The following TACC1 variants were observed in gnomAD, a reference collection of about 807,000 sequenced individuals.
The protein encoded by TACC1 is transforming acidic coiled-coil-containing protein 1.
TACC1 carries 48 observed loss-of-function variants against 84.4 expected under a neutral mutation model. The ratio of observed to expected loss-of-function variants is 0.57; its 90% CI spans 0.45 to 0.72. The LOEUF is 0.72. Ranked by LOEUF, TACC1 falls within the 30% of genes least tolerant of loss-of-function variation. The probability of loss-of-function intolerance (pLI) is 0.00; values close to 1 mark genes in which losing one functional copy is unlikely to be tolerated. For synonymous variants in TACC1, 372 were observed against 376.3 expected, an observed-to-expected ratio of 0.99 and a Z score of 0.13; for missense variants, 920 against 973.0, an observed-to-expected ratio of 0.95 and a Z score of 0.72.
At chr8:38,808,496 T>TC (rs1229577625) in intron 2 of TACC1, among the ~76,000 whole-genome samples, 1 of 152,232 alleles carries the variant, frequency 6.6e-6, no homozygotes, top group Admixed American at 6.5e-5. Context: ...TACCGCAGCC[T>TC]CCAACTTCTG....
intron 3 of TACC1, among the ~76,000 whole-genome samples, chr8:38,765,409 C>T (rs2151843137): frequency 6.6e-6 from 1 of 152,246 alleles, no homozygotes; most frequent in African/African-American, 2.4e-5. Context: ...GAGTCTCATC[C>T]AGAAGTCAGA....
At chr8:38,730,933 T>G (rs979820365) in intron 1 of TACC1, among the ~76,000 whole-genome samples, 1 of 152,140 alleles carries the variant, frequency 6.6e-6, no homozygotes, top group Non-Finnish European at 1.5e-5. Flanking sequence ...GTTTGTTTTA[T>G]TTTTTAGATA....
chr8:38,801,412 TA>T (rs1821325909), intron 2 of TACC1, among the ~76,000 whole-genome samples: 2 of 152,232 alleles, frequency 1.3e-5, no homozygotes, highest in African/African-American at 4.8e-5. Flanking sequence ...GGGAGTAGTC[TA>T]GCTTCATTCT....
At position 38,851,510 on chromosome 8, in the gene TACC1, C is replaced by G. The variant is rs1588201812; in HGVS notation, c.*3487C>G. On this transcript the variant is annotated 3_prime_UTR_variant, in exon 13 of 13. Coordinates refer to ENST00000317827, the MANE Select transcript of TACC1 (RefSeq NM_006283.3). ...TTTTAAGAGCAAGCATTGGTTAAGT[C>G]TGTGTATACTGAGTTGGAAGTGATT... 6.1e-6 allele frequency: 1 copy of G among 164,332 alleles called. No homozygotes were observed. The highest frequency in any genetic ancestry group is 1.7e-4 in the East Asian group (1 of 5,910). The allele number at this position is 164,332 out of a possible 1,614,324, so 10.2% of individuals were successfully genotyped here. A position where few individuals can be genotyped will look rare whatever the true frequency, so the allele number is the denominator to read the frequency against.
intron 7 of TACC1, among the ~76,000 whole-genome samples, chr8:38,838,122 T>A (rs1257517096): frequency 6.6e-6 from 1 of 152,254 alleles, no homozygotes; most frequent in Non-Finnish European, 1.5e-5. Context: ...TAAGAGTGAA[T>A]ACCTGCCAAT....
At chr8:38,764,367 T>C (rs1242095088) in intron 3 of TACC1, among the ~76,000 whole-genome samples, 2 of 150,030 alleles carry the variant, frequency 1.3e-5, no homozygotes, top group Non-Finnish European at 3.0e-5. Flanking sequence ...CATGAGCCAC[T>C]GCGCCTGGCC....
At chr8:38,753,249 C>G (rs1252896241) in intron 3 of TACC1, among the ~76,000 whole-genome samples, 1 of 151,984 alleles carries the variant, frequency 6.6e-6, no homozygotes, top group Non-Finnish European at 1.5e-5. Flanking sequence ...GCAGGTGAGC[C>G]CCACCATGCT....
Position 38,791,187 on chromosome 8 carries a change from C to T in TACC1, c.277+2368C>T, listed in dbSNP as rs1414355396. Among the ~76,000 whole-genome samples, 3 of 152,250 alleles carry T rather than the reference C, an allele frequency of 2.0e-5. No homozygotes were observed. In the East Asian group the frequency reaches 5.8e-4, roughly 29 times the overall value. The stretch of plus-strand genomic sequence containing the variant: ...GCCAATTGAATAGAGGCCTGGATGA[C>T]CTAGGCCCCCAAAACCACAGAGACC... On this transcript the variant is annotated intron_variant, in intron 2 of 12. Coordinates refer to ENST00000317827, the MANE Select transcript of TACC1 (RefSeq NM_006283.3).
intron 2 of TACC1, among the ~76,000 whole-genome samples, chr8:38,811,302 C>G (rs889314816): frequency 3.3e-5 from 5 of 151,866 alleles, no homozygotes; most frequent in African/African-American, 1.2e-4. Flanking sequence ...CTGAATGGCA[C>G]TAGTCTTCTA....
intron 3 of TACC1, among the ~76,000 whole-genome samples, chr8:38,747,870 T>C (rs939453536): frequency 2.6e-5 from 4 of 152,192 alleles, no homozygotes; most frequent in Admixed American, 2.0e-4. Flanking sequence ...ATAATAATGA[T>C]ACATCAGTGT....
chr8:38,769,474 A>C (rs1813042830), intron 3 of TACC1, among the ~76,000 whole-genome samples: 1 of 104,088 alleles, frequency 9.6e-6, no homozygotes, highest in Non-Finnish European at 1.9e-5. Flanking sequence ...TGTGTGTGTG[A>C]GACTGGGTAT....
At chr8:38,783,732 A>T (rs1419883452), upstream of TACC1, among the ~76,000 whole-genome samples, 4 of 152,160 alleles carry the variant, frequency 2.6e-5, no homozygotes, top group African/African-American at 9.7e-5. Flanking sequence ...AAAGAGTATT[A>T]GCTATGAACA....
chr8:38,766,578 G>T (rs547203411), intron 3 of TACC1, among the ~76,000 whole-genome samples: 5 of 152,304 alleles, frequency 3.3e-5, no homozygotes, highest in African/African-American at 1.2e-4. Flanking sequence ...TCTGAAAACT[G>T]TTCAGAGATC....
At chr8:38,842,241 T>C in intron 9 of TACC1, 46 bp from the exon 10 acceptor site, 1 of 1,588,398 alleles carries the variant, frequency 6.3e-7, no homozygotes, top group Non-Finnish European at 8.6e-7. Flanking sequence ...AAGGAGTGTC[T>C]ATTTTTTGAA....
chr8:38,779,290 T>A (rs1815469805), intron 3 of TACC1, among the ~76,000 whole-genome samples: 1 of 152,210 alleles, frequency 6.6e-6, no homozygotes, highest in South Asian at 2.1e-4. Flanking sequence ...GCTCTTTTTT[T>A]ATGGTACTTT....
chr8:38,791,414 AATAGGATG>A (rs1467365532), intron 2 of TACC1, among the ~76,000 whole-genome samples: 1 of 152,356 alleles, frequency 6.6e-6, no homozygotes, highest in African/African-American at 2.4e-5. Flanking sequence ...GTCTTTAAAC[AATAGGATG>A]ATTGCTCATC....
intron 1 of TACC1, among the ~76,000 whole-genome samples, chr8:38,736,227 C>G (rs373932552): frequency 3.5e-4 from 54 of 152,322 alleles, no homozygotes; most frequent in African/African-American, 1.2e-3. Flanking sequence ...GATAGTCTCC[C>G]TCTCTCAGAA....
intron 2 of TACC1, among the ~76,000 whole-genome samples, chr8:38,809,085 A>T (rs758112384): frequency 6.6e-6 from 1 of 152,088 alleles, no homozygotes; most frequent in Non-Finnish European, 1.5e-5. Flanking sequence ...CCCTCTGCCC[A>T]GCCTGGGGAC....
chr8:38,762,757 A>G (rs956803549), intron 3 of TACC1, among the ~76,000 whole-genome samples: 7 of 152,120 alleles, frequency 4.6e-5, no homozygotes, highest in African/African-American at 1.7e-4. Flanking sequence ...AAGTTTTGCC[A>G]TGTTGGCCAG....
Sources: gnomAD v4.1 joint callset for allele counts (sites outside exome capture counted in the v4.1 genomes callset) on GRCh38, gnomAD v4.1.1 for gene constraint, MANE v1.5 for transcripts, NCBI Gene and HGNC (gene_info 2026-07-23, HGNC 2026-07-21) for gene names.